TECPR1: variants seen among roughly 807,000 people sequenced by gnomAD.
The protein encoded by TECPR1 is tectonin beta-propeller repeat containing 1.
A neutral mutation model predicts 162.4 loss-of-function variants in TECPR1; 122 were observed. The ratio of observed to expected loss-of-function variants is 0.75; its 90% CI spans 0.65 to 0.87. The LOEUF (loss-of-function observed/expected upper bound fraction) is 0.87, where lower values mean the gene tolerates loss of function less well. TECPR1 is among the 40% of genes least tolerant of loss of function. The probability of loss-of-function intolerance (pLI) is 0.00; values close to 1 mark genes in which losing one functional copy is unlikely to be tolerated. For missense variants in TECPR1, 1,432 were observed against 1,618.2 expected, an observed-to-expected ratio of 0.88 and a Z score of 1.97; for synonymous variants, 642 against 670.6, an observed-to-expected ratio of 0.96 and a Z score of 0.66.
chr7:98,228,405 TCC>T, intron 16 of TECPR1: 4 of 397,570 alleles, frequency 1.0e-5, no homozygotes, highest in Admixed American at 3.6e-5. Flanking sequence ...CACCTTGCCC[TCC>T]TACTTAGCAC....
chr7:98,217,031 T>C lies in TECPR1; in HGVS notation c.*359A>G, dbSNP rs1448226004. 1 of 218,608 alleles carries C rather than the reference T, an allele frequency of 4.6e-6. No individual in the cohort carries two copies. Among genetic ancestry groups the C allele is most frequent in the Non-Finnish European group, 9.1e-6 (1 of 109,792 alleles). 13.5% of individuals were successfully genotyped at this position (218,608 alleles called of 1,614,324 possible). ...GCTCAGGAGGGCTCCATCCTGGCTC[T>C]GCTGCCCCAGGGCCGGCGTTCCCGG... On this transcript the variant is annotated 3_prime_UTR_variant, in exon 26 of 26. Transcript: ENST00000447648.
chr7:98,243,970 G>A (rs1303897265), intron 5 of TECPR1, among the ~76,000 whole-genome samples: 1 of 152,190 alleles, frequency 6.6e-6, no homozygotes, highest in East Asian at 1.9e-4. Flanking sequence ...GGCTGAGGTG[G>A]GAGGATTGCT....
chr7:98,238,040 G>A (rs1209587800), intron 9 of TECPR1, among the ~76,000 whole-genome samples: 4 of 151,796 alleles, frequency 2.6e-5, no homozygotes, highest in East Asian at 1.9e-4. Flanking sequence ...CTAAAGTGCT[G>A]GGATTTACAA....
At position 98,233,653 on chromosome 7, in the gene TECPR1, G is replaced by T. The variant is rs756371204; in HGVS notation, c.1440C>A (p.Pro480=). ...TGGTCCAGGGCAGCTCGGCCGGGGTGGGGGCCGGGCCGGGGTGCGTGTTGG... is the reference window on the plus strand; with the variant it reads ...TGGTCCAGGGCAGCTCGGCCGGGGTTGGGGCCGGGCCGGGGTGCGTGTTGG... ...ARPNTHPGPA[P]TPAELPWTNI... Residue 480 remains proline (P), a synonymous_variant, in exon 11 of 26, where the codon CCC becomes CCA. Coordinates refer to ENST00000447648, the MANE Select transcript of TECPR1 (RefSeq NM_015395.3). 4 of 1,593,902 alleles carry T rather than the reference G, an allele frequency of 2.5e-6. No individual in the cohort carries two copies. In the African/African-American group the frequency reaches 4.0e-5, roughly 16 times the overall value.
At chr7:98,219,027 C>T (rs1285645947) in intron 23 of TECPR1, among the ~76,000 whole-genome samples, 2 of 152,126 alleles carry the variant, frequency 1.3e-5, no homozygotes, top group African/African-American at 4.8e-5. Context: ...CATGGTGCTG[C>T]TATAAAAATA....
At chr7:98,238,290 C>CCTG (rs1215062674) in intron 9 of TECPR1, among the ~76,000 whole-genome samples, 2 of 152,178 alleles carry the variant, frequency 1.3e-5, no homozygotes, top group African/African-American at 2.4e-5. Flanking sequence ...CTAGCAGGTG[C>CCTG]CTGTCTCCCC....
intron 22 of TECPR1, among the ~76,000 whole-genome samples, chr7:98,221,954 T>C (rs1798153494): frequency 6.6e-6 from 1 of 152,182 alleles, no homozygotes; most frequent in Non-Finnish European, 1.5e-5. Context: ...TCCGATGGAC[T>C]CATCTTGCCA....
chr7:98,220,847 C>T (rs999714958), intron 23 of TECPR1, among the ~76,000 whole-genome samples: 7 of 138,712 alleles, frequency 5.0e-5, no homozygotes, highest in South Asian at 2.4e-4. Flanking sequence ...TGAGCCACCG[C>T]GCTTGGCCTA....
At chr7:98,218,268 C>T (rs572608666) in intron 23 of TECPR1, among the ~76,000 whole-genome samples, 8 of 152,154 alleles carry the variant, frequency 5.3e-5, no homozygotes, top group East Asian at 3.9e-4. Context: ...ACACTCGGGG[C>T]GTCCCCCGAG....
Position 98,224,848 on chromosome 7 carries a change from C to CG in TECPR1, c.2642dup (p.Thr884HisfsTer140). On this transcript the variant is annotated frameshift_variant, in exon 19 of 26. Coordinates refer to ENST00000447648, the MANE Select transcript of TECPR1 (RefSeq NM_015395.3). LOFTEE classifies it high-confidence loss of function. ...GCCACCCCTCCTGGTCCGTGCCCCC[C>CG]GGAACGCTGAAATCCACGAACCAGT... is the stretch of plus-strand genomic sequence containing the variant. 1 of 1,575,488 alleles carries CG rather than the reference C, an allele frequency of 6.3e-7. No homozygotes were observed. Among genetic ancestry groups the CG allele is most frequent in the South Asian group, 1.2e-5 (1 of 85,824 alleles).
intron 22 of TECPR1, 42 bp downstream of exon 22, chr7:98,222,344 G>A (rs551221055): frequency 8.8e-6 from 14 of 1,588,860 alleles, no homozygotes; most frequent in South Asian, 2.3e-5. Flanking sequence ...CAGCTTGGAC[G>A]GAAGGTGAAC....
intron 3 of TECPR1, 24 bp downstream of exon 3, chr7:98,245,898 A>C (rs746842540): frequency 1.3e-6 from 2 of 1,570,886 alleles, no homozygotes; most frequent in Non-Finnish European, 1.7e-6. Context: ...CCCGCTCGGC[A>C]ACTCCAACCA....
chr7:98,234,705 CTTTTTTT>C (rs34332931), intron 10 of TECPR1, among the ~76,000 whole-genome samples: 3 of 73,506 alleles, frequency 4.1e-5, no homozygotes, highest in Non-Finnish European at 7.6e-5. Context: ...TTGTTATTGT[CTTTTTTT>C]TTTTTTTTTT....
chr7:98,221,804 G>C (rs976996632), intron 22 of TECPR1, 51 bp from the exon 23 acceptor site: 2 of 1,472,808 alleles, frequency 1.4e-6, no homozygotes, highest in African/African-American at 2.8e-5. Flanking sequence ...CCTTGCATGG[G>C]CCAGGTGGGG....
intron 5 of TECPR1, 106 bp from the exon 6 acceptor site, chr7:98,243,698 G>C: frequency 7.2e-7 from 1 of 1,381,296 alleles, no homozygotes; most frequent in Non-Finnish European, 9.7e-7. Flanking sequence ...CTTCAGCCCA[G>C]CCTGCAGCTG....
At position 98,241,403 on chromosome 7, in the gene TECPR1, C is replaced by T. The variant is rs572128513; in HGVS notation, c.658-159G>A. 4.0e-5 allele frequency: 33 copies of T among 819,428 alleles called. No individual in the cohort carries two copies. In the East Asian group the frequency reaches 5.1e-4, roughly 13 times the overall value. The allele number at this position is 819,428 out of a possible 1,614,324, so 50.8% of individuals were successfully genotyped here. A position where few individuals can be genotyped will look rare whatever the true frequency, so the allele number is the denominator to read the frequency against. On this transcript the variant is annotated intron_variant, in intron 6 of 25. Transcript: ENST00000447648. This position sits in a 1 kb window ranked among gnomAD's most constrained non-coding sequence, Gnocchi z 5.0. ...GCCAAAAAACGCAAACCCTGGATTCCGGTGGTCCTGAGGGATACACTTGTT... is the reference window on the plus strand; with the variant it reads ...GCCAAAAAACGCAAACCCTGGATTCTGGTGGTCCTGAGGGATACACTTGTT...
At position 98,217,742 on chromosome 7, in the gene TECPR1, C is replaced by G. The variant is rs1181286426; in HGVS notation, c.3334G>C (p.Gly1112Arg). 6.4e-7 allele frequency: 1 copy of G among 1,550,412 alleles called. No homozygotes were observed. Among genetic ancestry groups the G allele is most frequent in the East Asian group, 2.4e-5 (1 of 40,920 alleles). The stretch of plus-strand genomic sequence containing the variant: ...CCCTTGGGCTCGTGAGGCTGCACGC[C>G]GGTGCGATGACACACTGTCCCCCGG... ...LSRGTVCHRT[G>R]VQPHEPKGHG... is the part of the protein sequence containing the mutation. The change falls in exon 25 of 26, where the codon GGC becomes CGC. Residue 1112 changes from glycine (G) to arginine (R), a missense_variant. By Grantham distance (125) the Gly-to-Arg change is moderately radical (BLOSUM62 -2). Transcript: ENST00000447648.
At chr7:98,220,523 C>T (rs1482168643) in intron 23 of TECPR1, among the ~76,000 whole-genome samples, 1 of 149,036 alleles carries the variant, frequency 6.7e-6, no homozygotes. Flanking sequence ...GCCTCAGCCT[C>T]CTGAGTAGCT....
intron 14 of TECPR1, 23 bp downstream of exon 14, chr7:98,231,201 C>A: frequency 6.2e-7 from 1 of 1,610,262 alleles, no homozygotes; most frequent in Non-Finnish European, 8.5e-7. Context: ...CCCCCCGGCC[C>A]GAGGGGACCA....
Sources: gnomAD v4.1 joint callset for allele counts (sites outside exome capture counted in the v4.1 genomes callset) on GRCh38, gnomAD v4.1.1 for gene constraint, Gnocchi (gnomAD v3.1) non-coding constraint, MANE v1.5 for transcripts, NCBI Gene and HGNC (gene_info 2026-07-23, HGNC 2026-07-21) for gene names.